Variants in AFG1L observed in about 807,000 individuals in gnomAD.
The protein encoded by AFG1L is AFG1 like ATPase.
A neutral mutation model predicts 62.2 loss-of-function variants in AFG1L; 53 were observed. The ratio of observed to expected loss-of-function variants is 0.85; its 90% CI spans 0.68 to 1.07. The LOEUF (loss-of-function observed/expected upper bound fraction) is 1.07, where lower values mean the gene tolerates loss of function less well. Ranked by LOEUF, AFG1L falls within the 50% of genes least tolerant of loss-of-function variation. The pLI is 0.00. For synonymous variants in AFG1L, 228 were observed against 210.3 expected, an observed-to-expected ratio of 1.08 and a Z score of -0.73; for missense variants, 555 against 590.5, an observed-to-expected ratio of 0.94 and a Z score of 0.62.
At chr6:108,315,428 G>A (rs1217946820) in intron 1 of AFG1L, among the ~76,000 whole-genome samples, 1 of 152,096 alleles carries the variant, frequency 6.6e-6, no homozygotes, top group Non-Finnish European at 1.5e-5. Flanking sequence ...GGAGTCTCTG[G>A]TCATTCCCTG....
chr6:108,340,937 G>A (rs1778657410), intron 2 of AFG1L, among the ~76,000 whole-genome samples: 1 of 152,124 alleles, frequency 6.6e-6, no homozygotes, highest in Admixed American at 6.6e-5. Flanking sequence ...TGAAAGTGAT[G>A]AGTGAAATGT....
At chr6:108,499,150 C>T (rs1206926328) in intron 10 of AFG1L, among the ~76,000 whole-genome samples, 1 of 150,910 alleles carries the variant, frequency 6.6e-6, no homozygotes, top group Non-Finnish European at 1.5e-5. Context: ...TTCACTGCAA[C>T]CTCTGCCTCC....
chr6:108,502,109 C>T (rs1774228118), intron 10 of AFG1L, among the ~76,000 whole-genome samples: 1 of 152,154 alleles, frequency 6.6e-6, no homozygotes, highest in Non-Finnish European at 1.5e-5. Context: ...TCACTGCAAC[C>T]TCTGCCTCCC....
chr6:108,483,332 T>C (rs1347782450), intron 10 of AFG1L, among the ~76,000 whole-genome samples: 1 of 152,196 alleles, frequency 6.6e-6, no homozygotes, highest in Non-Finnish European at 1.5e-5. Context: ...TCAGTTTTAA[T>C]TTCTATTACA....
chr6:108,459,460 A>G (rs1045076898), intron 8 of AFG1L, among the ~76,000 whole-genome samples: 2 of 152,152 alleles, frequency 1.3e-5, no homozygotes, highest in Non-Finnish European at 2.9e-5. Flanking sequence ...ATTGTTTCAT[A>G]TATTTTAGAT....
chr6:108,319,838 C>A (rs1190443239), intron 1 of AFG1L: 3 of 410,328 alleles, frequency 7.3e-6, no homozygotes, highest in Non-Finnish European at 1.5e-5. Flanking sequence ...TAAATATGCT[C>A]TGTGGATGGT....
intron 1 of AFG1L, among the ~76,000 whole-genome samples, chr6:108,297,841 A>T (rs1057113773): frequency 4.1e-5 from 6 of 147,796 alleles, no homozygotes; most frequent in African/African-American, 1.5e-4. Context: ...GCTGGGTGAC[A>T]GAGTGAGAAC....
At chr6:108,400,850 A>G (rs1360247588) in intron 6 of AFG1L, among the ~76,000 whole-genome samples, 2 of 125,786 alleles carry the variant, frequency 1.6e-5, no homozygotes, top group Non-Finnish European at 3.2e-5. Flanking sequence ...ATATAATGCA[A>G]ATATATATAA....
chr6:108,435,506 C>T (rs926643190), intron 7 of AFG1L, among the ~76,000 whole-genome samples: 1 of 151,928 alleles, frequency 6.6e-6, no homozygotes. Flanking sequence ...GGCAGCAAAG[C>T]CACACTCTGT....
At chr6:108,480,981 T>A (rs1029599161) in intron 10 of AFG1L, among the ~76,000 whole-genome samples, 3 of 152,208 alleles carry the variant, frequency 2.0e-5, no homozygotes, top group African/African-American at 7.2e-5. Context: ...CCAACTCATG[T>A]GTGTTGGCAT....
At chr6:108,323,623 A>C (rs139202043) in intron 1 of AFG1L, among the ~76,000 whole-genome samples, 1 of 152,224 alleles carries the variant, frequency 6.6e-6, no homozygotes, top group African/African-American at 2.4e-5. Flanking sequence ...GGTCTCCCAA[A>C]GTGCTGGAAT....
At chr6:108,485,751 A>G (rs1470911543) in intron 10 of AFG1L, among the ~76,000 whole-genome samples, 2 of 135,524 alleles carry the variant, frequency 1.5e-5, no homozygotes, top group African/African-American at 2.8e-5. Flanking sequence ...GCTCACTGCA[A>G]CCTCAGCCCC....
At chr6:108,447,727 C>G (rs1462134747) in intron 8 of AFG1L, among the ~76,000 whole-genome samples, 3 of 152,008 alleles carry the variant, frequency 2.0e-5, no homozygotes, top group Non-Finnish European at 1.5e-5. Context: ...TATAACTGAT[C>G]TACAATATAT....
At chr6:108,338,132 G>T (rs1459967498) in intron 2 of AFG1L, among the ~76,000 whole-genome samples, 1 of 152,196 alleles carries the variant, frequency 6.6e-6, no homozygotes, top group East Asian at 1.9e-4. Context: ...CCTGAAGTGA[G>T]CTGTGATGGT....
chr6:108,323,334 A>C (rs1454203010), intron 1 of AFG1L, among the ~76,000 whole-genome samples: 1 of 152,184 alleles, frequency 6.6e-6, no homozygotes, highest in Non-Finnish European at 1.5e-5. Flanking sequence ...TCCTTTTGTT[A>C]AAATAAAACA....
chr6:108,504,783 A>G (rs1195323478), intron 10 of AFG1L, among the ~76,000 whole-genome samples: 1 of 152,236 alleles, frequency 6.6e-6, no homozygotes, highest in Non-Finnish European at 1.5e-5. Flanking sequence ...AGAGAAAAAC[A>G]TGGATATTGG....
chr6:108,430,582 A>C (rs1226087724), intron 7 of AFG1L, among the ~76,000 whole-genome samples: 3 of 152,308 alleles, frequency 2.0e-5, no homozygotes, highest in East Asian at 3.9e-4. Flanking sequence ...AGATCAAAAT[A>C]CTTGATCCTT....
chr6:108,374,109 A>G (rs1780138809), intron 6 of AFG1L, among the ~76,000 whole-genome samples: 1 of 151,144 alleles, frequency 6.6e-6, no homozygotes, highest in African/African-American at 2.4e-5. Flanking sequence ...TTTTTTTTAT[A>G]TGTTTGTTGG....
intron 8 of AFG1L, among the ~76,000 whole-genome samples, chr6:108,463,235 A>G (rs1772530504): frequency 6.7e-6 from 1 of 148,998 alleles, no homozygotes; most frequent in African/African-American, 2.5e-5. Context: ...GTTACAGTGA[A>G]CTGAGATCAC....
Sources: allele counts gnomAD v4.1 joint callset (sites outside exome capture counted in the v4.1 genomes callset), GRCh38; gene constraint gnomAD v4.1.1; transcripts MANE v1.5; gene names NCBI Gene and HGNC (gene_info 2026-07-23, HGNC 2026-07-21).